DCLRE1B: variants seen among roughly 807,000 people sequenced by gnomAD.
DCLRE1B encodes the protein 5' exonuclease Apollo.
DCLRE1B carries 6 observed loss-of-function variants against 19.8 expected under a neutral mutation model. That is an observed-to-expected ratio of 0.30 (90% CI 0.17 to 0.60). DCLRE1B has a LOEUF of 0.60. Among genes scored for constraint, DCLRE1B ranks in the 20% least tolerant of loss-of-function variants. The pLI, the probability that DCLRE1B is intolerant of heterozygous loss-of-function variation, is 0.87. For synonymous variants in DCLRE1B, 258 were observed against 255.7 expected (o/e 1.01, Z -0.09); for missense variants, 622 against 654.2 (o/e 0.95, Z 0.54).
At chr1:113,907,974 T>C (rs1165077304) in intron 2 of DCLRE1B, 35 bp from the exon 3 acceptor site, 1 of 1,591,472 alleles carries the variant, frequency 6.3e-7, no homozygotes, top group Non-Finnish European at 8.6e-7. Context: ...TTCTTTTGTC[T>C]CTGACCTTCT....
In DCLRE1B at chr1:113,905,547, C is replaced by T; in HGVS notation, c.-40C>T. ...GAAGCCTCACGCAGGAGCCCTGCCCCCGTGGAGAAGATCCCACTGGTGACT... is the reference window on the plus strand; with the variant it reads ...GAAGCCTCACGCAGGAGCCCTGCCCTCGTGGAGAAGATCCCACTGGTGACT... On this transcript the variant is annotated 5_prime_UTR_variant, in exon 1 of 4. Coordinates refer to ENST00000650450, the MANE Select transcript of DCLRE1B (RefSeq NM_022836.4). 6.2e-7 allele frequency: 1 copy of T among 1,600,724 alleles called. No individual in the cohort carries two copies. The highest frequency in any genetic ancestry group is 8.5e-7 in the Non-Finnish European group (1 of 1,172,218).
At position 113,911,770 on chromosome 1, in the gene DCLRE1B, C is replaced by T; in HGVS notation, c.1178C>T (p.Pro393Leu). The change falls in exon 4 of 4, where the codon CCT (proline) becomes CTT (leucine). Residue 393 changes from proline to leucine, a missense_variant. Around this residue, in one of 3 missense-constraint regions of DCLRE1B, gnomAD observed 382 missense variants for 412.5 expected, o/e 0.93. Coordinates refer to ENST00000650450, the MANE Select transcript of DCLRE1B (RefSeq NM_022836.4). ...ADLEKQPSHH[P>L]LRIKKQLFPD... Reference sequence around the variant, plus strand: ...CTTGAAAAGCAGCCTTCCCACCATCCTTTGCGGATCAAGAAGCAGTTGTTC... The same window carrying T: ...CTTGAAAAGCAGCCTTCCCACCATCTTTTGCGGATCAAGAAGCAGTTGTTC... 1 of 1,614,190 alleles carries T rather than the reference C, an allele frequency of 6.2e-7. No homozygotes were observed.
chr1:113,909,723 G>A (rs1239249648), intron 3 of DCLRE1B, among the ~76,000 whole-genome samples: 1 of 152,146 alleles, frequency 6.6e-6, no homozygotes, highest in East Asian at 1.9e-4. Context: ...TATGTAATAA[G>A]CCTCTACCCA....
rs1405651656 is a variant in DCLRE1B, at chr1:113,913,974, A to G, written c.*1783A>G. The G allele has an allele frequency of 6.6e-6, 1 of 152,202 alleles. No homozygotes were observed. The highest frequency in any genetic ancestry group is 1.5e-5 in the Non-Finnish European group (1 of 68,026). 9.4% of individuals were successfully genotyped at this position (152,202 alleles called of 1,614,324 possible). ...ATTGTTCAAAAATGCCATTTTTAAT[A>G]TTTGTATAATACCCTATCATGTGAG... On this transcript the variant is annotated 3_prime_UTR_variant, in exon 4 of 4. Transcript: ENST00000650450.
At chr1:113,904,634 G>C, upstream of DCLRE1B, 1 of 1,613,868 alleles carries the variant, frequency 6.2e-7, no homozygotes, top group South Asian at 1.1e-5. Flanking sequence ...CATTCCGGTA[G>C]CGCAGCCTAT....
At chr1:113,908,927 C>T (rs112688083) in intron 3 of DCLRE1B, among the ~76,000 whole-genome samples, 116 of 152,226 alleles carry the variant, frequency 7.6e-4, no homozygotes, top group African/African-American at 2.6e-3. Flanking sequence ...GGCAAGGAGG[C>T]TGAAAAGGCA....
chr1:113,912,337 C>T lies in DCLRE1B; in HGVS notation c.*146C>T. 1 of 754,764 alleles carries T rather than the reference C, an allele frequency of 1.3e-6. No homozygotes were observed. Among genetic ancestry groups the T allele is most frequent in the Non-Finnish European group, 2.0e-6 (1 of 497,360 alleles). The allele number at this position is 754,764 out of a possible 1,614,324, so 46.8% of individuals were successfully genotyped here. Reference sequence around the variant, plus strand: ...ATGGGCCCACCGTGGAGCAGCACTTCCCAAAACTTGTTCACTGGGGTCCTC... The same window carrying T: ...ATGGGCCCACCGTGGAGCAGCACTTTCCAAAACTTGTTCACTGGGGTCCTC... On this transcript the variant is annotated 3_prime_UTR_variant, in exon 4 of 4. Coordinates refer to ENST00000650450, the MANE Select transcript of DCLRE1B (RefSeq NM_022836.4).
At position 113,905,693 on chromosome 1, in the gene DCLRE1B, A is replaced by G. The variant is rs1325999571; in HGVS notation, c.107A>G (p.His36Arg). Residue 36 changes from histidine to arginine, a missense_variant, in exon 1 of 4, where the codon CAC becomes CGC. Around this residue, in one of 3 missense-constraint regions of DCLRE1B, gnomAD observed 237 missense variants for 223.8 expected, o/e 1.06. Coordinates refer to ENST00000650450, the MANE Select transcript of DCLRE1B (RefSeq NM_022836.4). Reference sequence around the variant, plus strand: ...TTCTTGTCTCACATGCACTCGGACCACACCGTGGGCCTGTCTAGCACCTGG... The same window carrying G: ...TTCTTGTCTCACATGCACTCGGACCGCACCGTGGGCCTGTCTAGCACCTGG... ...LFFLSHMHSD[H>R]TVGLSSTWAR... is the part of the protein sequence containing the mutation. The G allele has an allele frequency of 1.9e-6, 3 of 1,613,976 alleles. No individual in the cohort carries two copies. Among genetic ancestry groups the G allele is most frequent in the Admixed American group, 1.7e-5 (1 of 59,982 alleles).
rs1257810348 is a variant in DCLRE1B at position 113,911,254 on chromosome 1, C to T, written c.662C>T (p.Thr221Ile). ...VQLLGLADVF[T>I]VEEKAGRIHA... is the part of the protein sequence containing the mutation. ...CTACTGGGCCTGGCAGATGTGTTCACAGTGGAGGAGAAGGCTGGCCGCATC... is the reference window on the plus strand; with the variant it reads ...CTACTGGGCCTGGCAGATGTGTTCATAGTGGAGGAGAAGGCTGGCCGCATC... The change falls in exon 4 of 4, where the codon ACA (threonine) becomes ATA (isoleucine). Residue 221 changes from threonine (T) to isoleucine (I), a missense_variant. Thr to Ile is a moderately conservative substitution (Grantham distance 89, BLOSUM62 -1). Transcript: ENST00000650450. 2 of 1,614,116 alleles carry T rather than the reference C, an allele frequency of 1.2e-6. No individual in the cohort carries two copies. Among genetic ancestry groups the T allele is most frequent in the South Asian group, 2.2e-5 (2 of 91,076 alleles).
rs1416884876 is a variant in DCLRE1B at position 113,913,847 on chromosome 1, T to A, written c.*1656T>A. 2.0e-5 allele frequency: 3 copies of A among 152,258 alleles called. No individual in the cohort carries two copies. The highest frequency in any genetic ancestry group is 1.3e-4 in the Admixed American group (2 of 15,286). The allele number at this position is 152,258 out of a possible 1,614,324, so 9.4% of individuals were successfully genotyped here. Reference sequence around the variant, plus strand: ...GTTTTTTTTTCTATGCATGTAGATGTATTAAATATGTAAATGTTTTTCAAA... The same window carrying A: ...GTTTTTTTTTCTATGCATGTAGATGAATTAAATATGTAAATGTTTTTCAAA... On this transcript the variant is annotated 3_prime_UTR_variant, in exon 4 of 4. Coordinates refer to ENST00000650450, the MANE Select transcript of DCLRE1B (RefSeq NM_022836.4).
Position 113,905,582 on chromosome 1 carries a change from C to T in DCLRE1B, c.-5C>T. On this transcript the variant is annotated 5_prime_UTR_variant, in exon 1 of 4. Coordinates refer to ENST00000650450, the MANE Select transcript of DCLRE1B (RefSeq NM_022836.4). Reference sequence around the variant, plus strand: ...GATCCCACTGGTGACTCCAACCCTACCACCATGAATGGGGTCCTGATCCCC... The same window carrying T: ...GATCCCACTGGTGACTCCAACCCTATCACCATGAATGGGGTCCTGATCCCC... 9 of 1,613,968 alleles carry T rather than the reference C, an allele frequency of 5.6e-6. No individual in the cohort carries two copies. The highest frequency in any genetic ancestry group is 7.6e-6 in the Non-Finnish European group (9 of 1,179,966).
Position 113,912,230 on chromosome 1 carries a change from T to C in DCLRE1B, c.*39T>C, listed in dbSNP as rs1669291891. 6.5e-7 allele frequency: 1 copy of C among 1,544,910 alleles called. No homozygotes were observed. Among genetic ancestry groups the C allele is most frequent in the African/African-American group, 1.4e-5 (1 of 73,064 alleles). On this transcript the variant is annotated 3_prime_UTR_variant, in exon 4 of 4. Transcript: ENST00000650450. ...CAGAATGACAACATTGAGCCCACAC[T>C]GCAGTTTTGAAGATAGTAACTGATG...
rs1669029598 is a variant in DCLRE1B at position 113,906,871 on chromosome 1, C to T, written c.190-125C>T. Reference sequence around the variant, plus strand: ...GCAGATTGCTTGGGAATCCCCATTACAGCTTCTGCTCCCGGTGGCTCAGGA... The same window carrying T: ...GCAGATTGCTTGGGAATCCCCATTATAGCTTCTGCTCCCGGTGGCTCAGGA... On this transcript the variant is annotated intron_variant, in intron 1 of 3. Transcript: ENST00000650450. 5.9e-6 allele frequency: 6 copies of T among 1,020,642 alleles called. No individual in the cohort carries two copies. The Admixed American group carries it at 6.7e-5, about 11-fold the overall frequency. The allele number at this position is 1,020,642 out of a possible 1,614,324, so 63.2% of individuals were successfully genotyped here.
chr1:113,905,472 C>A lies in DCLRE1B; in HGVS notation c.-115C>A. 1 of 1,067,392 alleles carries A rather than the reference C, an allele frequency of 9.4e-7. No individual in the cohort carries two copies. The highest frequency in any genetic ancestry group is 1.4e-5 in the South Asian group (1 of 71,858). 66.1% of individuals were successfully genotyped at this position (1,067,392 alleles called of 1,614,324 possible). A position where few individuals can be genotyped will look rare whatever the true frequency, so the allele number is the denominator to read the frequency against. ...TCTGCTGGGCTCTTTCCCTTAGGGT[C>A]TCTGGCCCTGTTCTTGCCCCAGCAT... On this transcript the variant is annotated 5_prime_UTR_variant, in exon 1 of 4. Coordinates refer to ENST00000650450, the MANE Select transcript of DCLRE1B (RefSeq NM_022836.4).
intron 3 of DCLRE1B, among the ~76,000 whole-genome samples, chr1:113,910,242 C>T (rs1162740584): frequency 1.3e-5 from 2 of 152,152 alleles, no homozygotes; most frequent in Non-Finnish European, 2.9e-5. Flanking sequence ...CACTCAGTGG[C>T]TCCCCTTCAC....
At chr1:113,908,241 T>TA in intron 3 of DCLRE1B, 50 bp downstream of exon 3, 1 of 1,572,294 alleles carries the variant, frequency 6.4e-7, no homozygotes. Flanking sequence ...GTGAACTAGA[T>TA]TCTTTAAGGA....
intron 3 of DCLRE1B, among the ~76,000 whole-genome samples, chr1:113,910,659 G>A (rs757209510): frequency 5.9e-5 from 9 of 152,018 alleles, no homozygotes; most frequent in Non-Finnish European, 1.2e-4. Flanking sequence ...GCACCAACAT[G>A]CTTATTTGTT....
chr1:113,907,932 T>G, intron 2 of DCLRE1B, 77 bp from the exon 3 acceptor site: 1 of 1,492,118 alleles, frequency 6.7e-7, no homozygotes, highest in South Asian at 1.3e-5. Context: ...AACGCCTGTC[T>G]ATTGTTGGAG....
At chr1:113,904,685 C>G (rs1668749114), upstream of DCLRE1B, 4 of 1,612,746 alleles carry the variant, frequency 2.5e-6, no homozygotes, top group Non-Finnish European at 3.4e-6. Flanking sequence ...TCTTCAGCTC[C>G]TTCACCACGT....
Sources: allele counts gnomAD v4.1 joint callset (sites outside exome capture counted in the v4.1 genomes callset), GRCh38; gene constraint gnomAD v4.1.1; regional missense constraint gnomAD v4.1.1; transcripts MANE v1.5; gene names NCBI Gene and HGNC (gene_info 2026-07-23, HGNC 2026-07-21).